Variants in SMG6 observed in about 807,000 individuals in gnomAD.
The protein encoded by SMG6 is SMG6 nonsense mediated mRNA decay factor.
A neutral mutation model predicts 142.2 loss-of-function variants in SMG6; 66 were observed. That is an observed-to-expected ratio of 0.46 (90% CI 0.38 to 0.57). The LOEUF (loss-of-function observed/expected upper bound fraction) is 0.57, where lower values mean the gene tolerates loss of function less well. Ranked by LOEUF, SMG6 falls within the 20% of genes least tolerant of loss-of-function variation. SMG6 has a pLI of 0.00. For synonymous variants in SMG6, 779 were observed against 702.4 expected (o/e 1.11, Z -1.72); for missense variants, 1,793 against 1,832.0 (o/e 0.98, Z 0.39).
chr17:2,292,818 CT>C, intron 5 of SMG6, 52 bp downstream of exon 5: 1 of 1,541,632 alleles, frequency 6.5e-7, no homozygotes, highest in Non-Finnish European at 9.0e-7. Context: ...CTTAGTAAGG[CT>C]TAGCTTAGAG....
intron 12 of SMG6, among the ~76,000 whole-genome samples, chr17:2,178,677 C>T (rs2071718939): frequency 1.3e-5 from 2 of 152,260 alleles, no homozygotes; most frequent in Admixed American, 6.5e-5. Flanking sequence ...TCGGGGTCGG[C>T]GCCTTATTTG....
chr17:2,072,419 G>A (rs1413646673), intron 15 of SMG6, among the ~76,000 whole-genome samples: 1 of 152,178 alleles, frequency 6.6e-6, no homozygotes, highest in Non-Finnish European at 1.5e-5. Flanking sequence ...AAATAATTCT[G>A]TTTCTGGAAG....
At chr17:2,275,764 G>A (rs1035112304) in intron 8 of SMG6, among the ~76,000 whole-genome samples, 1 of 152,180 alleles carries the variant, frequency 6.6e-6, no homozygotes, top group African/African-American at 2.4e-5. Context: ...TGGATTTGGA[G>A]GGTCCTGGCT....
chr17:2,147,716 G>T (rs2070709497), intron 13 of SMG6, among the ~76,000 whole-genome samples: 1 of 152,154 alleles, frequency 6.6e-6, no homozygotes, highest in African/African-American at 2.4e-5. Context: ...CTTGTCATTA[G>T]GAAAATGCAA....
At chr17:2,171,706 T>A (rs2151649892) in intron 13 of SMG6, among the ~76,000 whole-genome samples, 1 of 151,900 alleles carries the variant, frequency 6.6e-6, no homozygotes, top group East Asian at 1.9e-4. Flanking sequence ...GTCTCTCATA[T>A]TTGTGGCTCA....
At chr17:2,219,606 T>C (rs1379962232) in intron 10 of SMG6, among the ~76,000 whole-genome samples, 3 of 151,558 alleles carry the variant, frequency 2.0e-5, no homozygotes, top group Admixed American at 6.6e-5. Context: ...CTGGGCAATA[T>C]AGTGAGGCTT....
chr17:2,172,127 C>G (rs983978272), intron 13 of SMG6, among the ~76,000 whole-genome samples: 2 of 152,154 alleles, frequency 1.3e-5, no homozygotes, highest in Non-Finnish European at 2.9e-5. Context: ...GGTTAAAACG[C>G]AGTCCTCAGA....
At position 2,071,340 on chromosome 17, in the gene SMG6, GGA is replaced by G. The variant is rs1350602225; in HGVS notation, c.3682-2411_3682-2410del. 6.6e-6 allele frequency among the ~76,000 whole-genome samples: 1 copy of G among 152,184 alleles called. No individual in the cohort carries two copies. Among genetic ancestry groups the G allele is most frequent in the African/African-American group, 2.4e-5 (1 of 41,440 alleles). ...TACCTCTATTGCTGGCAATTAGGCA[GGA>G]GAGCCTTGAAGCCAGGTGGCTGAGG... On this transcript the variant is annotated intron_variant, in intron 15 of 18. Coordinates refer to ENST00000263073, the MANE Select transcript of SMG6 (RefSeq NM_017575.5). The surrounding 1 kb of genome is among the most constrained non-coding windows in gnomAD (Gnocchi z 5.6).
chr17:2,087,342 G>A, intron 13 of SMG6: 17 of 1,205,672 alleles, frequency 1.4e-5, no homozygotes, highest in Admixed American at 3.2e-5. Flanking sequence ...CAGGCTGGCT[G>A]CCCAGGAAAG....
At chr17:2,156,038 CTT>C (rs113122170) in intron 13 of SMG6, among the ~76,000 whole-genome samples, 8 of 131,816 alleles carry the variant, frequency 6.1e-5, no homozygotes, top group Non-Finnish European at 9.5e-5. Context: ...TTTTCTTTAC[CTT>C]TTTTTTTTTT....
intron 10 of SMG6, among the ~76,000 whole-genome samples, chr17:2,189,399 A>G (rs1597559394): frequency 6.6e-6 from 1 of 152,128 alleles, no homozygotes; most frequent in East Asian, 1.9e-4. Flanking sequence ...TGAACTCGAG[A>G]GGAGCTGGTG....
intron 13 of SMG6, among the ~76,000 whole-genome samples, chr17:2,144,980 C>T (rs1173501594): frequency 6.6e-6 from 1 of 152,178 alleles, no homozygotes; most frequent in Non-Finnish European, 1.5e-5. Context: ...AGGGCAAGCA[C>T]CAGCCAGCTT....
intron 13 of SMG6, among the ~76,000 whole-genome samples, chr17:2,089,274 C>T (rs542345415): frequency 5.9e-5 from 9 of 152,164 alleles, no homozygotes; most frequent in African/African-American, 2.2e-4. Flanking sequence ...AAGAGCTGGG[C>T]GGGAGAGGCT....
chr17:2,142,414 G>A (rs2070509366), intron 13 of SMG6, among the ~76,000 whole-genome samples: 1 of 152,120 alleles, frequency 6.6e-6, no homozygotes, highest in Admixed American at 6.6e-5. Flanking sequence ...GGAGGCCAAG[G>A]CAGGAGGATC....
At chr17:2,100,326 C>T (rs377717511) in intron 13 of SMG6, among the ~76,000 whole-genome samples, 1 of 152,162 alleles carries the variant, frequency 6.6e-6, no homozygotes, top group African/African-American at 2.4e-5. Flanking sequence ...AGTGAGCCAC[C>T]GTCCCTGGCC....
chr17:2,222,635 G>C (rs1016101261), intron 10 of SMG6, among the ~76,000 whole-genome samples: 1 of 148,000 alleles, frequency 6.8e-6, no homozygotes, highest in Non-Finnish European at 1.5e-5. Flanking sequence ...GAAATGGGAA[G>C]TCAGTGAAGG....
At chr17:2,168,988 C>T (rs143553198) in intron 13 of SMG6, among the ~76,000 whole-genome samples, 2,401 of 151,784 alleles carry the variant, frequency 0.016, 77 homozygotes, top group African/African-American at 0.055. Context: ...CCTCGTGATC[C>T]GCCTGCCTCG....
chr17:2,299,113 T>C lies in SMG6; in HGVS notation c.1640A>G (p.Tyr547Cys), dbSNP rs2075211315. Residue 547 changes from tyrosine (Y) to cysteine (C), a missense_variant, in exon 2 of 19, where the codon TAC (tyrosine) becomes TGC (cysteine). This residue lies in a region of SMG6 where 1,597 missense variants were observed against 1,584.6 expected (regional missense o/e 1.01). Coordinates refer to ENST00000263073, the MANE Select transcript of SMG6 (RefSeq NM_017575.5). This position sits in a 1 kb window ranked among gnomAD's most constrained non-coding sequence, Gnocchi z 4.3. ...CACATACTGTCCTGACGGAGTCGGG[T>C]AGCCTGGGTAGTAAGGCCCTGGGTA... Reference protein sequence around the residue: ...GVYPGPYYPGYPTPSGQYVCS... With the variant: ...GVYPGPYYPGCPTPSGQYVCS... 3 of 1,613,842 alleles carry C rather than the reference T, an allele frequency of 1.9e-6. No individual in the cohort carries two copies. Among genetic ancestry groups the C allele is most frequent in the African/African-American group, 1.3e-5 (1 of 74,948 alleles).
chr17:2,290,691 A>G (rs2075011096), intron 6 of SMG6, among the ~76,000 whole-genome samples: 2 of 152,232 alleles, frequency 1.3e-5, no homozygotes, highest in African/African-American at 4.8e-5. Context: ...AAGAAAATAG[A>G]TGCAAATCAC....
Sources: allele counts gnomAD v4.1 joint callset (sites outside exome capture counted in the v4.1 genomes callset), GRCh38; gene constraint gnomAD v4.1.1; regional missense constraint gnomAD v4.1.1; non-coding constraint Gnocchi (gnomAD v3.1); transcripts MANE v1.5; gene names NCBI Gene and HGNC (gene_info 2026-07-23, HGNC 2026-07-21).